CCNL1: variants seen among roughly 807,000 people sequenced by gnomAD.
CCNL1 encodes the protein cyclin L1.
In CCNL1, 13 loss-of-function variants were observed where a neutral mutation model predicts 60.6. The observed-to-expected ratio is 0.21, with a 90% CI of 0.14 to 0.34. CCNL1 has a LOEUF of 0.34. Ranked by LOEUF, CCNL1 falls within the 10% of genes least tolerant of loss-of-function variation. The pLI is 1.00. For synonymous variants in CCNL1, 270 were observed against 244.3 expected, an observed-to-expected ratio of 1.10 and a Z score of -0.98; for missense variants, 481 against 664.3, an observed-to-expected ratio of 0.72 and a Z score of 3.03.
At chr3:157,151,765 G>A (rs1027338800) in intron 5 of CCNL1, 2 of 1,020,670 alleles carry the variant, frequency 2.0e-6, no homozygotes, top group Non-Finnish European at 2.4e-6. Flanking sequence ...TTGACACCCC[G>A]ACAGAACTAG....
At chr3:157,153,257 A>C in intron 3 of CCNL1, 101 bp from the exon 4 acceptor site, 1 of 1,242,932 alleles carries the variant, frequency 8.0e-7, no homozygotes, top group South Asian at 1.4e-5. Flanking sequence ...TGGCAACAGA[A>C]ACCAGCTTTT....
chr3:157,152,642 A>G (rs1337464511), intron 4 of CCNL1: 9 of 1,070,762 alleles, frequency 8.4e-6, no homozygotes, highest in South Asian at 2.9e-5. Context: ...AATTTCCAAT[A>G]ATGGTAACAG....
At chr3:157,159,289 G>A (rs1217166606) in intron 2 of CCNL1, 116 bp downstream of exon 2, 2 of 901,864 alleles carry the variant, frequency 2.2e-6, no homozygotes, top group East Asian at 2.6e-5. Context: ...TGAGAAGTAG[G>A]TACAAAGGCC....
At chr3:157,149,755 G>T in intron 8 of CCNL1, 81 bp downstream of exon 8, 1 of 1,534,502 alleles carries the variant, frequency 6.5e-7, no homozygotes, top group Non-Finnish European at 8.8e-7. Flanking sequence ...TTTTCTCTAT[G>T]CAACTTTCAA....
chr3:157,146,790 A>C (rs967596004), downstream of CCNL1, among the ~76,000 whole-genome samples: 1 of 152,188 alleles, frequency 6.6e-6, no homozygotes, highest in African/African-American at 2.4e-5. Context: ...GTGTATTACA[A>C]ATCAGGCAGA....
rs527428547 is a variant in CCNL1, at chr3:157,160,001, T to C, written c.94A>G (p.Thr32Ala). The C allele has an allele frequency of 5.7e-6, 9 of 1,575,696 alleles. No individual in the cohort carries two copies. In the Admixed American group the frequency reaches 1.5e-4, roughly 26 times the overall value. Residue 32 changes from threonine to alanine, a missense_variant, in exon 1 of 11, where the codon ACG becomes GCG. Around this residue, in one of 5 missense-constraint regions of CCNL1, gnomAD observed 65 missense variants for 57.5 expected, o/e 1.13. Transcript: ENST00000295926. ...ATCCCTCCCGTCGTGGTCGTCGTCG[T>C]GGTCGTCGTCCCGGAGCTGGAGCCG... is the stretch of plus-strand genomic sequence containing the variant. ...AGGSSSGTTT[T>A]TTTTTGGILI...
intron 1 of CCNL1, 34 bp from the exon 2 acceptor site, chr3:157,159,513 G>C (rs373945780): frequency 6.3e-7 from 1 of 1,588,180 alleles, no homozygotes; most frequent in Non-Finnish European, 8.6e-7. Flanking sequence ...AAGCGCAGGG[G>C]TCAGGCGGGC....
chr3:157,159,303 A>C (rs1256045208), intron 2 of CCNL1, 102 bp downstream of exon 2: 8 of 1,101,710 alleles, frequency 7.3e-6, no homozygotes, highest in African/African-American at 1.5e-5. Context: ...AAAGGCCTAA[A>C]CTAAACCACT....
chr3:157,149,485 C>G lies in CCNL1; in HGVS notation c.1133G>C (p.Gly378Ala), dbSNP rs1738006232. Residue 378 changes from glycine to alanine, a missense_variant and splice_region_variant, in exon 9 of 11, where the codon GGT (glycine) becomes GCT (alanine). Physicochemically the swap from Gly to Ala is moderately conservative, Grantham distance 60 (BLOSUM62 0). Around this residue, in one of 5 missense-constraint regions of CCNL1, gnomAD observed 197 missense variants for 233.9 expected, o/e 0.84. Transcript: ENST00000295926. The part of the protein sequence containing the change: ...RQQASKSPYN[G>A]VRKDSKRSRN... The stretch of plus-strand genomic sequence containing the variant: ...AGTTTTCCAGCCCAAGTATACTCAC[C>G]CATTGTAAGGGCTTTTGGAAGCCTG... 2 of 1,613,224 alleles carry G rather than the reference C, an allele frequency of 1.2e-6. No individual in the cohort carries two copies. Among genetic ancestry groups the G allele is most frequent in the Non-Finnish European group, 1.7e-6 (2 of 1,179,292 alleles).
At chr3:157,144,711 G>C (rs527289771), downstream of CCNL1, among the ~76,000 whole-genome samples, 8 of 152,312 alleles carry the variant, frequency 5.3e-5, no homozygotes, top group South Asian at 1.7e-3. Flanking sequence ...TGCACATTCT[G>C]TCTCTCCAAA....
chr3:157,152,248 G>C lies in CCNL1; in HGVS notation c.610-7C>G. 6.2e-7 allele frequency: 1 copy of C among 1,604,884 alleles called. No individual in the cohort carries two copies. Among genetic ancestry groups the C allele is most frequent in the Non-Finnish European group, 8.5e-7 (1 of 1,177,282 alleles). On this transcript the variant is annotated splice_region_variant and splice_polypyrimidine_tract_variant and intron_variant, in intron 4 of 10. Transcript: ENST00000295926. ...GTAAATACATAACAATGATCTGAAGGACAAGGGAAAAAAACTCAATTCAGT... is the reference window on the plus strand; with the variant it reads ...GTAAATACATAACAATGATCTGAAGCACAAGGGAAAAAAACTCAATTCAGT...
chr3:157,159,718 T>C, intron 1 of CCNL1, 74 bp downstream of exon 1: 1 of 1,318,282 alleles, frequency 7.6e-7, no homozygotes, highest in East Asian at 2.5e-5. Context: ...CGGGGCACGG[T>C]GATACTGAGA....
At chr3:157,145,293 C>T (rs1426253192), downstream of CCNL1, among the ~76,000 whole-genome samples, 4 of 151,744 alleles carry the variant, frequency 2.6e-5, no homozygotes, top group East Asian at 3.9e-4. Context: ...AAAAATTAGC[C>T]AGGGCGTGGT....
Position 157,158,989 on chromosome 3 carries a change from T to C in CCNL1, c.379-14A>G, listed in dbSNP as rs1407612359. 6 of 1,561,810 alleles carry C rather than the reference T, an allele frequency of 3.8e-6. No homozygotes were observed. The African/African-American group carries it at 8.2e-5, about 21-fold the overall frequency. The stretch of plus-strand genomic sequence containing the variant: ...CATAGCAACAATCTGAAAGAACCCA[T>C]GAGCCACAAAAGCCATTGTTAGATT... On this transcript the variant is annotated splice_polypyrimidine_tract_variant and intron_variant, in intron 2 of 10. Transcript: ENST00000295926.
rs1375721666 is a variant in CCNL1, at chr3:157,158,848, C to T, written c.488+18G>A. On this transcript the variant is annotated intron_variant, in intron 3 of 10. Transcript: ENST00000295926. ...CAGCAGTAGCAAGAGATACTATGTTCAATAATGCCAATCTTACCTTTTTCC... is the reference window on the plus strand; with the variant it reads ...CAGCAGTAGCAAGAGATACTATGTTTAATAATGCCAATCTTACCTTTTTCC... 6.1e-6 allele frequency: 9 copies of T among 1,484,858 alleles called. No homozygotes were observed. Among genetic ancestry groups the T allele is most frequent in the South Asian group, 1.1e-5 (1 of 88,162 alleles). The allele number at this position is 1,484,858 out of a possible 1,614,324, so 92.0% of individuals were successfully genotyped here. A position where few individuals can be genotyped will look rare whatever the true frequency, so the allele number is the denominator to read the frequency against.
At chr3:157,152,921 G>T (rs1738307677) in intron 4 of CCNL1, 115 bp downstream of exon 4, 25 of 1,520,104 alleles carry the variant, frequency 1.6e-5, no homozygotes, top group East Asian at 2.5e-5. Context: ...ACCTTTAAAA[G>T]AATGCTTTTT....
intron 8 of CCNL1, 101 bp from the exon 9 acceptor site, chr3:157,149,697 G>A: frequency 6.2e-6 from 9 of 1,457,850 alleles, no homozygotes; most frequent in Non-Finnish European, 8.4e-6. Flanking sequence ...CCGCTTCCAT[G>A]TTGGTTGACT....
intron 10 of CCNL1, among the ~76,000 whole-genome samples, 188 bp from the exon 11 acceptor site, chr3:157,148,777 AATGTTCTT>A (rs1737938763): frequency 6.6e-6 from 1 of 152,170 alleles, no homozygotes; most frequent in African/African-American, 2.4e-5. Flanking sequence ...ATCTTAAGCA[AATGTTCTT>A]ATGTCTTTAT....
downstream of CCNL1, among the ~76,000 whole-genome samples, chr3:157,145,455 A>AAAAAAAAAAAAAAAAAAC (rs1737753226): frequency 2.0e-5 from 3 of 148,352 alleles, no homozygotes. Flanking sequence ...AAAAAAAAAA[A>AAAAAAAAAAAAAAAAAAC]AAAAAAAAAC....
Sources: gnomAD v4.1 joint callset for allele counts (sites outside exome capture counted in the v4.1 genomes callset) on GRCh38, gnomAD v4.1.1 for gene constraint, gnomAD v4.1.1 regional missense constraint, MANE v1.5 for transcripts, NCBI Gene and HGNC (gene_info 2026-07-23, HGNC 2026-07-21) for gene names.